The following NFIA variants were observed in gnomAD, a reference collection of about 807,000 sequenced individuals.
NFIA encodes nuclear factor I A, also known as nuclear factor 1 A-type.
A neutral mutation model predicts 62.8 loss-of-function variants in NFIA; 8 were observed. That is an observed-to-expected ratio of 0.13 (90% CI 0.07 to 0.23). The LOEUF (loss-of-function observed/expected upper bound fraction) is 0.23. Ranked by LOEUF, NFIA falls within the 10% of genes least tolerant of loss-of-function variation. The probability of loss-of-function intolerance (pLI) is 1.00; values close to 1 mark genes in which losing one functional copy is unlikely to be tolerated. For missense variants in NFIA, 410 were observed against 642.1 expected (o/e 0.64, Z 3.91); for synonymous variants, 235 against 238.1 (o/e 0.99, Z 0.12).
chr1:61,376,291 C>T (rs1664146196), intron 6 of NFIA, among the ~76,000 whole-genome samples: 1 of 152,122 alleles, frequency 6.6e-6, no homozygotes, highest in Non-Finnish European at 1.5e-5. Flanking sequence ...ATCAACAAGT[C>T]TTAAGAGAAG....
chr1:61,426,349 G>A, intron 9 of NFIA, 116 bp from the exon 10 acceptor site: 1 of 719,498 alleles, frequency 1.4e-6, no homozygotes. Flanking sequence ...TAGCTACAGT[G>A]TTTGCACATT....
At chr1:61,172,612 G>C (rs965236815) in intron 2 of NFIA, among the ~76,000 whole-genome samples, 3 of 152,160 alleles carry the variant, frequency 2.0e-5, no homozygotes, top group Non-Finnish European at 4.4e-5. Flanking sequence ...CTTGCCCCAA[G>C]CCCTGTGTTC....
chr1:61,363,948 A>AT (rs35401343), intron 6 of NFIA, among the ~76,000 whole-genome samples: 20,190 of 142,484 alleles, frequency 0.14, 2,343 homozygotes, highest in African/African-American at 0.31. Context: ...TGCATCTACT[A>AT]TTTTTTTTTT....
chr1:61,413,360 T>A (rs373235924), intron 9 of NFIA, among the ~76,000 whole-genome samples: 1 of 152,152 alleles, frequency 6.6e-6, no homozygotes, highest in South Asian at 2.1e-4. Flanking sequence ...TCTTTTTACA[T>A]ATGTATTATC....
chr1:61,380,426 A>G (rs1664359196), intron 6 of NFIA, among the ~76,000 whole-genome samples: 1 of 152,206 alleles, frequency 6.6e-6, no homozygotes, highest in South Asian at 2.1e-4. Flanking sequence ...GTAATTTTGT[A>G]ACAGTTGTGC....
chr1:61,363,178 G>A (rs1246775377), intron 6 of NFIA, among the ~76,000 whole-genome samples: 1 of 152,134 alleles, frequency 6.6e-6, no homozygotes, highest in Non-Finnish European at 1.5e-5. Context: ...TAAATCTGTG[G>A]ATCCAAAATC....
At chr1:61,261,039 A>T (rs1333620257) in intron 2 of NFIA, among the ~76,000 whole-genome samples, 1 of 152,224 alleles carries the variant, frequency 6.6e-6, no homozygotes, top group Non-Finnish European at 1.5e-5. Context: ...TAGGACCTAC[A>T]ATTCTTAGGA....
intron 6 of NFIA, among the ~76,000 whole-genome samples, chr1:61,370,033 G>C (rs1663802335): frequency 1.3e-5 from 2 of 152,152 alleles, no homozygotes; most frequent in Admixed American, 1.3e-4. Context: ...AGAATAAGTG[G>C]CTTTTACATG....
In NFIA at chr1:61,096,206, C is replaced by CT. The variant is rs200549214; in HGVS notation, c.559+7534dup. On this transcript the variant is annotated intron_variant, in intron 2 of 10. Transcript: ENST00000403491. ...GCCCTTAAATTAGTGAATTAGTGAGCTTTTTTTTGTTGTTGTTGTTGTTTG... is the reference window on the plus strand; with the variant it reads ...GCCCTTAAATTAGTGAATTAGTGAGCTTTTTTTTTGTTGTTGTTGTTGTTTG... Among the ~76,000 whole-genome samples the CT allele has an allele frequency of 1.5e-3, 222 of 151,766 alleles. 2 individuals are homozygous for CT. In the Middle Eastern group the frequency reaches 0.017, roughly 12 times the overall value.
intron 2 of NFIA, among the ~76,000 whole-genome samples, chr1:61,140,415 C>T (rs1409109958): frequency 6.6e-6 from 1 of 151,552 alleles, no homozygotes; most frequent in African/African-American, 2.4e-5. Flanking sequence ...ATACAGTGTC[C>T]CAATTTACAT....
At chr1:61,370,245 C>T (rs1424571618) in intron 6 of NFIA, among the ~76,000 whole-genome samples, 1 of 152,196 alleles carries the variant, frequency 6.6e-6, no homozygotes, top group African/African-American at 2.4e-5. Context: ...ACATCATAAA[C>T]TCATCAATTA....
At chr1:61,081,962 GCCT>G (rs751844148), upstream of NFIA, 495 of 1,550,478 alleles carry the variant, frequency 3.2e-4, no homozygotes, top group Non-Finnish European at 4.2e-4. Context: ...GTGCCGCCCG[GCCT>G]CCTCCTCGGT....
At chr1:61,425,514 A>G (rs1189210578) in intron 9 of NFIA, among the ~76,000 whole-genome samples, 1 of 152,234 alleles carries the variant, frequency 6.6e-6, no homozygotes, top group Non-Finnish European at 1.5e-5. Flanking sequence ...TTGTTAAGAC[A>G]TTTGAAATTT....
intron 2 of NFIA, among the ~76,000 whole-genome samples, chr1:61,264,653 CAAAAAAAAA>C (rs1165980251): frequency 0.24 from 14,359 of 60,578 alleles, 459 homozygotes; most frequent in Admixed American, 0.27. Context: ...CTCCACCTTA[CAAAAAAAAA>C]AAAAAAAAAA....
chr1:61,389,006 C>T (rs1001983749), intron 7 of NFIA, among the ~76,000 whole-genome samples: 1 of 151,858 alleles, frequency 6.6e-6, no homozygotes, highest in African/African-American at 2.4e-5. Flanking sequence ...CCTAGATACT[C>T]GGGAGGCTGA....
At chr1:61,314,211 C>T (rs1224066594) in intron 3 of NFIA, among the ~76,000 whole-genome samples, 1 of 152,078 alleles carries the variant, frequency 6.6e-6, no homozygotes, top group Non-Finnish European at 1.5e-5. Context: ...TAGTTTAATG[C>T]CCCCCTCTGT....
At chr1:61,261,827 T>C (rs1656790669) in intron 2 of NFIA, among the ~76,000 whole-genome samples, 1 of 152,220 alleles carries the variant, frequency 6.6e-6, no homozygotes, top group Non-Finnish European at 1.5e-5. Context: ...AATGTTGCTG[T>C]TAGTAAAAGT....
intron 2 of NFIA, among the ~76,000 whole-genome samples, chr1:61,268,668 C>G (rs111998924): frequency 1.3e-4 from 20 of 152,158 alleles, no homozygotes; most frequent in African/African-American, 4.6e-4. Context: ...CTTCCCTAAT[C>G]CAGTTTGCTG....
intron 2 of NFIA, among the ~76,000 whole-genome samples, chr1:61,276,340 G>T (rs766092019): frequency 1.2e-4 from 19 of 152,150 alleles, no homozygotes; most frequent in Non-Finnish European, 2.4e-4. Context: ...AAAGAGAAGG[G>T]TGATGCTATA....
Sources: gnomAD v4.1 joint callset for allele counts (sites outside exome capture counted in the v4.1 genomes callset) on GRCh38, gnomAD v4.1.1 for gene constraint, MANE v1.5 for transcripts, NCBI Gene and HGNC (gene_info 2026-07-23, HGNC 2026-07-21) for gene names.